The following STAT5B variants were observed in gnomAD, a reference collection of about 807,000 sequenced individuals.
STAT5B encodes the protein transcription factor STAT5B.
STAT5B carries 21 observed loss-of-function variants against 107.8 expected under a neutral mutation model. The ratio of observed to expected loss-of-function variants is 0.19; its 90% CI spans 0.14 to 0.28. STAT5B has a LOEUF of 0.28. STAT5B is among the 10% of genes least tolerant of loss of function. The probability of loss-of-function intolerance (pLI) is 1.00; values close to 1 mark genes in which losing one functional copy is unlikely to be tolerated. For missense variants in STAT5B, 565 were observed against 1,008.2 expected (o/e 0.56, Z 5.95); for synonymous variants, 325 against 401.7 (o/e 0.81, Z 2.28).
chr17:42,272,178 A>G (rs752224597), intron 1 of STAT5B: 1 of 152,202 alleles, frequency 6.6e-6, no homozygotes, highest in Non-Finnish European at 1.5e-5. Flanking sequence ...GATCCAGGAG[A>G]GTAAAGGAAG....
intron 1 of STAT5B, among the ~76,000 whole-genome samples, chr17:42,262,908 GTATATATATGTGTGTA>G (rs1232001358): frequency 9.1e-6 from 1 of 109,780 alleles, no homozygotes; most frequent in Non-Finnish European, 1.9e-5. Context: ...ATATATATGT[GTATATATATGTGTGTA>G]TATATATATG....
rs2080039676 is a variant in STAT5B at position 42,201,063 on chromosome 17, G to T, written c.*675C>A. 2.5e-6 allele frequency: 1 copy of T among 401,876 alleles called. No homozygotes were observed. Among genetic ancestry groups the T allele is most frequent in the African/African-American group, 2.1e-5 (1 of 48,640 alleles). The allele number at this position is 401,876 out of a possible 1,614,324, so 24.9% of individuals were successfully genotyped here. A position where few individuals can be genotyped will look rare whatever the true frequency, so the allele number is the denominator to read the frequency against. On this transcript the variant is annotated 3_prime_UTR_variant, in exon 19 of 19. Coordinates refer to ENST00000293328, the MANE Select transcript of STAT5B (RefSeq NM_012448.4). ...CGGGCAGGAGGGGAGAGAGGACAAA[G>T]AGAGAATAAGATGAGCTAAATGTTT...
chr17:42,241,694 C>T (rs1444437646), intron 1 of STAT5B, among the ~76,000 whole-genome samples: 1 of 152,084 alleles, frequency 6.6e-6, no homozygotes, highest in Non-Finnish European at 1.5e-5. Context: ...CCACCCACCT[C>T]GGCCTCCCAA....
chr17:42,265,395 G>GTTTTTTTTTTTTTT lies in STAT5B; in HGVS notation c.-11+10852_-11+10853insAAAAAAAAAAAAAA, dbSNP rs1567678433. Among the ~76,000 whole-genome samples the GTTTTTTTTTTTTTT allele has an allele frequency of 8.2e-3, 573 of 69,764 alleles. 9 individuals carry two copies. Among genetic ancestry groups the GTTTTTTTTTTTTTT allele is most frequent in the African/African-American group, 0.053 (548 of 10,404 alleles). 45.8% of individuals were successfully genotyped at this position (69,764 alleles called of 152,430 possible). On this transcript the variant is annotated intron_variant, in intron 1 of 18. Coordinates refer to ENST00000293328, the MANE Select transcript of STAT5B (RefSeq NM_012448.4). ...TACTCTTCTTTTTTTTTTTTGAGAC[G>GTTTTTTTTTTTTTT]AAGTCTCGCTCTGTCACCAGGCTGG...
intron 4 of STAT5B, among the ~76,000 whole-genome samples, chr17:42,224,037 T>C (rs978615457): frequency 6.6e-6 from 1 of 152,078 alleles, no homozygotes; most frequent in Non-Finnish European, 1.5e-5. Context: ...AATCATTTGC[T>C]TCCACCATGG....
intron 16 of STAT5B, among the ~76,000 whole-genome samples, 188 bp downstream of exon 16, chr17:42,207,370 T>C (rs2080093188): frequency 6.6e-6 from 1 of 152,146 alleles, no homozygotes; most frequent in Non-Finnish European, 1.5e-5. Context: ...ATGTGTTTTC[T>C]GTATGACTGA....
intron 1 of STAT5B, among the ~76,000 whole-genome samples, chr17:42,238,092 TTCTATCCATCCA>T (rs879616442): frequency 0.031 from 4,343 of 140,204 alleles, 188 homozygotes; most frequent in African/African-American, 0.1. Flanking sequence ...GTATAAACTT[TTCTATCCATCCA>T]TCCATCCATC....
chr17:42,287,330 A>ACC, the STAT5B span, among the ~76,000 whole-genome samples: 11 of 144,438 alleles, frequency 7.6e-5, 1 homozygote, highest in South Asian at 2.2e-4. Flanking sequence ...ATGAGAATGC[A>ACC]CCCCCCCCAA....
intron 1 of STAT5B, among the ~76,000 whole-genome samples, chr17:42,243,466 T>C (rs528125967): frequency 3.9e-5 from 6 of 152,336 alleles, no homozygotes; most frequent in East Asian, 3.9e-4. Context: ...TCAGGTTGCG[T>C]AGAAGAATGC....
rs1484045657 is a variant in STAT5B at position 42,264,412 on chromosome 17, G to A, written c.-11+11836C>T. Among the ~76,000 whole-genome samples the A allele has an allele frequency of 2.2e-5, 3 of 135,390 alleles. No individual in the cohort carries two copies. In the South Asian group the frequency reaches 6.7e-4, roughly 30 times the overall value. The allele number at this position is 135,390 out of a possible 152,430, so 88.8% of individuals were successfully genotyped here. A position where few individuals can be genotyped will look rare whatever the true frequency, so the allele number is the denominator to read the frequency against. On this transcript the variant is annotated intron_variant, in intron 1 of 18. Transcript: ENST00000293328. ...GTGATGTTCCCCTTCCTGTGTCCAT[G>A]TGTTCCCATTATTCAATTCCCACCT...
At chr17:42,223,057 T>G (rs894509507) in intron 5 of STAT5B, among the ~76,000 whole-genome samples, 3 of 152,192 alleles carry the variant, frequency 2.0e-5, no homozygotes, top group Admixed American at 1.3e-4. Flanking sequence ...ATAATATGCC[T>G]ACTATATACA....
chr17:42,218,943 G>T, intron 7 of STAT5B, 65 bp from the exon 8 acceptor site: 3 of 1,613,154 alleles, frequency 1.9e-6, no homozygotes, highest in South Asian at 2.2e-5. Context: ...CAGGCCCCAA[G>T]ACACAGCTCC....
intron 8 of STAT5B, 144 bp from the exon 9 acceptor site, chr17:42,218,474 C>A: frequency 7.0e-7 from 1 of 1,421,014 alleles, no homozygotes. Context: ...CCTGGGGAAG[C>A]CGTGAGAGTC....
chr17:42,202,609 G>A, intron 17 of STAT5B, 148 bp downstream of exon 17: 2 of 1,468,718 alleles, frequency 1.4e-6, no homozygotes, highest in Non-Finnish European at 1.9e-6. Context: ...TCAGGTACTG[G>A]CATAGCATCA....
At chr17:42,262,798 G>GTGTGTATATATACACACATATATA (rs1425353147) in intron 1 of STAT5B, among the ~76,000 whole-genome samples, 8 of 103,580 alleles carry the variant, frequency 7.7e-5, no homozygotes, top group Non-Finnish European at 1.3e-4. Context: ...ACATATATAT[G>GTGTGTATATATACACACATATATA]TGTGTATATA....
chr17:42,204,770 A>G (rs915008273), intron 16 of STAT5B, among the ~76,000 whole-genome samples: 1 of 152,146 alleles, frequency 6.6e-6, no homozygotes. Context: ...ATGCGCCACC[A>G]AGCGCAGCTA....
At chr17:42,256,656 G>A (rs886746987) in intron 1 of STAT5B, among the ~76,000 whole-genome samples, 2 of 151,778 alleles carry the variant, frequency 1.3e-5, no homozygotes, top group Non-Finnish European at 1.5e-5. Flanking sequence ...TTAGGAGATC[G>A]AGACCATCCT....
chr17:42,248,370 C>A (rs2080469924), intron 1 of STAT5B, among the ~76,000 whole-genome samples: 1 of 131,540 alleles, frequency 7.6e-6, no homozygotes, highest in East Asian at 2.2e-4. Context: ...GTTTGTCCTG[C>A]TGGGGAAAAA....
intron 1 of STAT5B, among the ~76,000 whole-genome samples, chr17:42,255,815 G>A (rs985156683): frequency 2.6e-5 from 4 of 152,222 alleles, no homozygotes; most frequent in Non-Finnish European, 4.4e-5. Context: ...AAATGGCCGG[G>A]CACAGCGGCT....
Sources: gnomAD v4.1 joint callset for allele counts (sites outside exome capture counted in the v4.1 genomes callset) on GRCh38, gnomAD v4.1.1 for gene constraint, MANE v1.5 for transcripts, NCBI Gene and HGNC (gene_info 2026-07-23, HGNC 2026-07-21) for gene names.